CNKSR2: variants seen among roughly 807,000 people sequenced by gnomAD.
CNKSR2 encodes connector enhancer of kinase suppressor of Ras 2, also known as CNK homolog protein 2.
Under a neutral mutation model 84.4 loss-of-function variants are expected in CNKSR2, and 14 were observed. That is an observed-to-expected ratio of 0.17 (90% CI 0.11 to 0.26). The LOEUF (loss-of-function observed/expected upper bound fraction) is 0.26, where lower values mean the gene tolerates loss of function less well. CNKSR2 is among the 10% of genes least tolerant of loss of function. The pLI is 1.00. For synonymous variants in CNKSR2, 275 were observed against 277.9 expected (o/e 0.99, Z 0.10); for missense variants, 485 against 771.2 (o/e 0.63, Z 4.40).
chrX:21,574,505 T>A (rs1442840164), intron 13 of CNKSR2, among the ~76,000 whole-genome samples: 1 of 111,784 alleles, frequency 8.9e-6, no homozygotes, highest in Non-Finnish European at 1.9e-5. Context: ...CAAATATGTC[T>A]TTCTTCACAT....
chrX:21,518,119 GATC>G (rs1340018728), intron 9 of CNKSR2, among the ~76,000 whole-genome samples: 1 of 111,688 alleles, frequency 9.0e-6, no homozygotes, highest in Non-Finnish European at 1.9e-5. Flanking sequence ...GATACTTGAT[GATC>G]ATTACAGTTC....
chrX:21,625,881 C>T (rs958489482), intron 20 of CNKSR2, among the ~76,000 whole-genome samples: 1 of 111,541 alleles, frequency 9.0e-6, no homozygotes, highest in African/African-American at 3.3e-5. Flanking sequence ...AGCTTGTACC[C>T]GCAAATACTG....
chrX:21,567,677 G>A (rs1002781075), intron 13 of CNKSR2, among the ~76,000 whole-genome samples: 1 of 111,412 alleles, frequency 9.0e-6, no homozygotes, highest in Non-Finnish European at 1.9e-5. Context: ...TTTCAAAAGA[G>A]CATAACTTTA....
intron 13 of CNKSR2, among the ~76,000 whole-genome samples, chrX:21,580,037 T>C (rs1461143493): frequency 6.2e-5 from 7 of 112,202 alleles, no homozygotes; most frequent in African/African-American, 2.3e-4. Context: ...ATAATGATGA[T>C]TTGATTCCTG....
At position 21,591,357 on chromosome X, in the gene CNKSR2, G is replaced by T. The variant is rs768977861; in HGVS notation, c.1830+163G>T. On this transcript the variant is annotated intron_variant, in intron 15 of 21. Coordinates refer to ENST00000379510, the MANE Select transcript of CNKSR2 (RefSeq NM_014927.5). ...CCCTCTTAAAATGATTGCATGTTGG[G>T]GTTCTAGAAAGATAGCTGTCTCAAT... 19 of 349,218 alleles carry T rather than the reference G, an allele frequency of 5.4e-5. 1 individual carries two copies. The Middle Eastern group carries it at 2.5e-3, about 47-fold the overall frequency. 28.8% of individuals were successfully genotyped at this position (349,218 alleles called of 1,213,427 possible). A position where few individuals can be genotyped will look rare whatever the true frequency, so the allele number is the denominator to read the frequency against.
At chrX:21,544,819 C>T (rs1671231005) in intron 11 of CNKSR2, among the ~76,000 whole-genome samples, 1 of 111,211 alleles carries the variant, frequency 9.0e-6, no homozygotes, top group African/African-American at 3.3e-5. Flanking sequence ...CAAGGGAAGC[C>T]ATGAGGGACT....
intron 1 of CNKSR2, among the ~76,000 whole-genome samples, chrX:21,402,534 C>T (rs1470497538): frequency 9.0e-6 from 1 of 110,947 alleles, no homozygotes; most frequent in Admixed American, 9.6e-5. Flanking sequence ...AATAAAAATA[C>T]ATTTTTAGTA....
intron 1 of CNKSR2, among the ~76,000 whole-genome samples, chrX:21,420,353 C>T (rs1420312332): frequency 8.9e-6 from 1 of 112,707 alleles, no homozygotes; most frequent in Non-Finnish European, 1.9e-5. Flanking sequence ...AGAGCCAAGT[C>T]CTAGAATTGT....
At chrX:21,509,719 T>G (rs1417004038) in intron 8 of CNKSR2, among the ~76,000 whole-genome samples, 2 of 111,882 alleles carry the variant, frequency 1.8e-5, no homozygotes, top group African/African-American at 6.5e-5. Flanking sequence ...GTAAGACTTT[T>G]TTTATTAATA....
In CNKSR2 at chrX:21,563,234, A is replaced by G. The variant is rs754604521; in HGVS notation, c.1394-4A>G. ...TATTGGTGTATTTATCTCTTTTTATATAGAAAACTCTCTACTTCGGTATAT... is the reference window on the plus strand; with the variant it reads ...TATTGGTGTATTTATCTCTTTTTATGTAGAAAACTCTCTACTTCGGTATAT... On this transcript the variant is annotated splice_polypyrimidine_tract_variant and splice_region_variant and intron_variant, in intron 12 of 21. Transcript: ENST00000379510. 3.4e-6 allele frequency: 4 copies of G among 1,181,625 alleles called. No homozygotes were observed. Among genetic ancestry groups the G allele is most frequent in the East Asian group, 3.0e-5 (1 of 33,296 alleles).
chrX:21,442,108 G>T (rs902403671), intron 4 of CNKSR2, among the ~76,000 whole-genome samples: 1 of 110,709 alleles, frequency 9.0e-6, no homozygotes, highest in South Asian at 3.8e-4. Context: ...ACCTCCATTT[G>T]CAGGAATTTG....
At chrX:21,382,710 T>C (rs2089916259) in intron 1 of CNKSR2, among the ~76,000 whole-genome samples, 1 of 111,912 alleles carries the variant, frequency 8.9e-6, no homozygotes, top group East Asian at 2.8e-4. Context: ...TTATTTATTA[T>C]ATTTAGTGTT....
At position 21,560,241 on chromosome X, in the gene CNKSR2, G is replaced by A. The variant is rs112149751; in HGVS notation, c.1304-1230G>A. 3.1e-3 allele frequency among the ~76,000 whole-genome samples: 343 copies of A among 110,965 alleles called. 3 individuals are homozygous for A. Among genetic ancestry groups the A allele is most frequent in the Non-Finnish European group, 5.5e-3 (292 of 52,743 alleles). ...TTGCTGATGAGACTAAGCATATGAC[G>A]ACAGGAATGAGTGTGAGAGAGAACC... On this transcript the variant is annotated intron_variant, in intron 11 of 21. Coordinates refer to ENST00000379510, the MANE Select transcript of CNKSR2 (RefSeq NM_014927.5).
At chrX:21,409,374 C>G (rs2090312651) in intron 1 of CNKSR2, among the ~76,000 whole-genome samples, 1 of 103,109 alleles carries the variant, frequency 9.7e-6, no homozygotes, top group Admixed American at 1.1e-4. Flanking sequence ...GAAGTTTTTG[C>G]TCCTTCCTTT....
intron 1 of CNKSR2, among the ~76,000 whole-genome samples, chrX:21,392,395 G>T (rs190784146): frequency 1.8e-5 from 2 of 112,271 alleles, no homozygotes; most frequent in African/African-American, 6.5e-5. Context: ...AGTTCCACAG[G>T]CTGTACAGGA....
In CNKSR2 at chrX:21,439,910, A is replaced by G. The variant is rs182706116; in HGVS notation, c.432-784A>G. ...TAAAGGCAGGAACTTTTCCTATATC[A>G]TTTTTTGAGGCAATCATTATCCTGA... On this transcript the variant is annotated intron_variant, in intron 3 of 21. Transcript: ENST00000379510. Among the ~76,000 whole-genome samples, 3 of 110,112 alleles carry G rather than the reference A, an allele frequency of 2.7e-5. No homozygotes were observed. In the East Asian group the frequency reaches 8.5e-4, roughly 31 times the overall value.
chrX:21,542,300 A>G (rs757411179), intron 11 of CNKSR2, among the ~76,000 whole-genome samples: 39 of 112,384 alleles, frequency 3.5e-4, no homozygotes, highest in Non-Finnish European at 6.8e-4. Context: ...CCATCTAATT[A>G]TTCCAGTGTG....
intron 13 of CNKSR2, among the ~76,000 whole-genome samples, chrX:21,578,858 T>C (rs377582122): frequency 2.7e-5 from 3 of 111,821 alleles, no homozygotes; most frequent in East Asian, 5.6e-4. Flanking sequence ...GCAGAGCCAG[T>C]GGTTGGGAAG....
chrX:21,498,396 T>A (rs891006262), intron 7 of CNKSR2, among the ~76,000 whole-genome samples: 1 of 111,444 alleles, frequency 9.0e-6, no homozygotes, highest in Non-Finnish European at 1.9e-5. Flanking sequence ...GCCTATTTCT[T>A]AATAAGAGAT....
Sources: allele counts gnomAD v4.1 joint callset (sites outside exome capture counted in the v4.1 genomes callset), GRCh38; gene constraint gnomAD v4.1.1; transcripts MANE v1.5; gene names NCBI Gene and HGNC (gene_info 2026-07-23, HGNC 2026-07-21).